MED26: variants seen among roughly 807,000 people sequenced by gnomAD.
The protein encoded by MED26 is mediator complex subunit 26.
Under a neutral mutation model 43.7 loss-of-function variants are expected in MED26, and 7 were observed. The observed-to-expected ratio is 0.16, with a 90% confidence interval of 0.09 to 0.30. MED26 has a LOEUF of 0.30. Ranked by LOEUF, MED26 falls within the 10% of genes least tolerant of loss-of-function variation. MED26 has a pLI of 1.00. For missense variants in MED26, 784 were observed against 840.6 expected (o/e 0.93, Z 0.83); for synonymous variants, 375 against 371.1 (o/e 1.01, Z -0.12).
At chr19:16,609,840 A>G (rs1324310035) in intron 1 of MED26, among the ~76,000 whole-genome samples, 1 of 151,892 alleles carries the variant, frequency 6.6e-6, no homozygotes, top group Non-Finnish European at 1.5e-5. Flanking sequence ...TGTGCAAACA[A>G]AATTTCTCCA....
chr19:16,597,287 C>T, intron 1 of MED26: 1 of 396,872 alleles, frequency 2.5e-6, no homozygotes, highest in East Asian at 3.6e-5. Flanking sequence ...AGTTAAGTTT[C>T]CCCCACTTCA....
chr19:16,622,296 T>C (rs975475546), intron 1 of MED26, among the ~76,000 whole-genome samples: 14 of 152,142 alleles, frequency 9.2e-5, no homozygotes, highest in African/African-American at 3.1e-4. Context: ...TTCATGACCA[T>C]GCTCTATCTG....
chr19:16,575,318 TTAAAA>T lies in MED26; in HGVS notation c.*704_*708del, dbSNP rs1300819689. The T allele has an allele frequency of 6.5e-6, 1 of 152,678 alleles. No homozygotes were observed. Among genetic ancestry groups the T allele is most frequent in the African/African-American group, 2.4e-5 (1 of 41,448 alleles). 9.5% of individuals were successfully genotyped at this position (152,678 alleles called of 1,614,324 possible). ...GGTGGTCTGATGGAAGAGGAATTGT[TTAAAA>T]TAAACATGAGAAAACTTAAATTTTT... On this transcript the variant is annotated 3_prime_UTR_variant, in exon 3 of 3. Coordinates refer to ENST00000263390, the MANE Select transcript of MED26 (RefSeq NM_004831.5).
intron 1 of MED26, among the ~76,000 whole-genome samples, chr19:16,602,652 C>G (rs2086155186): frequency 6.6e-6 from 1 of 152,158 alleles, no homozygotes; most frequent in African/African-American, 2.4e-5. Context: ...AACAACAGGA[C>G]AGTATTTCAG....
At chr19:16,583,214 C>G (rs568753497) in intron 1 of MED26, among the ~76,000 whole-genome samples, 14 of 152,258 alleles carry the variant, frequency 9.2e-5, no homozygotes, top group Admixed American at 4.6e-4. Context: ...CTGAGGCCCC[C>G]TCCTCCTTTG....
At position 16,628,179 on chromosome 19, in the gene MED26, C is replaced by T. The variant is rs1275343453; in HGVS notation, c.-236G>A. 8.5e-6 allele frequency: 3 copies of T among 353,756 alleles called. No individual in the cohort carries two copies. Among genetic ancestry groups the T allele is most frequent in the Admixed American group, 4.8e-5 (1 of 20,872 alleles). 21.9% of individuals were successfully genotyped at this position (353,756 alleles called of 1,614,324 possible). ...CGCCGGAGCCGCCGCCGCTCGCTGCCGCCGCCTCGAGAACCAAACTCCAGT... is the reference window on the plus strand; with the variant it reads ...CGCCGGAGCCGCCGCCGCTCGCTGCTGCCGCCTCGAGAACCAAACTCCAGT... On this transcript the variant is annotated 5_prime_UTR_variant, in exon 1 of 3. Transcript: ENST00000263390.
intron 1 of MED26, among the ~76,000 whole-genome samples, chr19:16,599,891 CA>C (rs2086140480): frequency 6.6e-6 from 1 of 152,216 alleles, no homozygotes; most frequent in Non-Finnish European, 1.5e-5. Flanking sequence ...ATGTGCAAAG[CA>C]TCTGCCCTGG....
intron 1 of MED26, among the ~76,000 whole-genome samples, chr19:16,594,179 G>A (rs1197591203): frequency 6.6e-6 from 1 of 152,264 alleles, no homozygotes; most frequent in African/African-American, 2.4e-5. Flanking sequence ...GTGGAAGCTT[G>A]CTGGTAGAAG....
rs760774365 is a variant in MED26, at chr19:16,577,248, G to C, written c.582C>G (p.Ser194Arg). ...GISGSPESFA[S>R]SLDGSGHAGP... ...CTGCATGCCCACTGCCATCCAGGGA[G>C]CTGGCGAAGCTCTCTGGACTCCCAC... Residue 194 changes from serine (S) to arginine (R), a missense_variant, in exon 3 of 3, where the codon AGC becomes AGG. Around this residue, in one of 3 missense-constraint regions of MED26, gnomAD observed 719 missense variants for 730.9 expected, o/e 0.98. Transcript: ENST00000263390. This position sits in a 1 kb window ranked among gnomAD's most constrained non-coding sequence, Gnocchi z 8.1. 7 of 1,613,186 alleles carry C rather than the reference G, an allele frequency of 4.3e-6. No individual in the cohort carries two copies. In the Admixed American group the frequency reaches 6.7e-5, roughly 15 times the overall value.
intron 1 of MED26, among the ~76,000 whole-genome samples, chr19:16,626,534 T>C (rs1262923029): frequency 6.6e-6 from 1 of 152,198 alleles, no homozygotes. Flanking sequence ...GAAGTACTTA[T>C]ATCACAGCAA....
chr19:16,582,947 A>G lies in MED26; in HGVS notation c.73-4538T>C, dbSNP rs376650112. Among the ~76,000 whole-genome samples the G allele has an allele frequency of 5.2e-4, 79 of 152,300 alleles. 1 individual carries two copies. Among genetic ancestry groups the G allele is most frequent in the African/African-American group, 1.8e-3 (74 of 41,556 alleles). On this transcript the variant is annotated intron_variant, in intron 1 of 2. Coordinates refer to ENST00000263390, the MANE Select transcript of MED26 (RefSeq NM_004831.5). ...GTGGCTCCTTCACAACCTGTCTTCT[A>G]TCCCCCTTAGCGACTGCCCCCACAG...
intron 1 of MED26, among the ~76,000 whole-genome samples, chr19:16,616,093 C>T (rs1385948387): frequency 4.6e-5 from 7 of 152,156 alleles, no homozygotes; most frequent in Admixed American, 4.6e-4. Flanking sequence ...CTCAGGAAAA[C>T]GAGGATGCAG....
At chr19:16,624,220 C>A (rs2086263723) in intron 1 of MED26, 1 of 152,146 alleles carries the variant, frequency 6.6e-6, no homozygotes, top group Non-Finnish European at 1.5e-5. Flanking sequence ...CACCAGTTCC[C>A]AATCCCACCC....
intron 1 of MED26, chr19:16,578,614 C>T: frequency 1.7e-6 from 1 of 582,360 alleles, no homozygotes; most frequent in Non-Finnish European, 3.1e-6. Flanking sequence ...GTCTGACCTC[C>T]TCCAGTGTGT....
rs76259294 is a variant in MED26 at position 16,622,553 on chromosome 19, C to T, written c.72+5319G>A. ...GGGAATCCCGATGGCAAATCCACAC[C>T]CTGCTCTAAGAGTGAAAAGCGGCTG... is the stretch of plus-strand genomic sequence containing the variant. On this transcript the variant is annotated intron_variant, in intron 1 of 2. Coordinates refer to ENST00000263390, the MANE Select transcript of MED26 (RefSeq NM_004831.5). Among the ~76,000 whole-genome samples the T allele has an allele frequency of 6.4e-4, 97 of 152,292 alleles. 2 individuals carry two copies. In the East Asian group the frequency reaches 0.017, roughly 26 times the overall value.
At position 16,577,422 on chromosome 19, in the gene MED26, C is replaced by G. The variant is rs1458821313; in HGVS notation, c.408G>C (p.Leu136=). The G allele has an allele frequency of 1.9e-6, 3 of 1,601,132 alleles. No individual in the cohort carries two copies. Among genetic ancestry groups the G allele is most frequent in the Non-Finnish European group, 2.6e-6 (3 of 1,172,510 alleles). ...CCAGCCTGTCCAGCCGCTGCCCGGG[C>G]AGCCTCTGGAGGTCATTGCGGCTCT... ...DLKSRNDLQR[L]PGQRLDRLGS... is the part of the protein sequence containing the mutation. The change falls in exon 3 of 3, where the codon CTG becomes CTC. Residue 136 remains leucine, a synonymous_variant. Coordinates refer to ENST00000263390, the MANE Select transcript of MED26 (RefSeq NM_004831.5). This position sits in a 1 kb window ranked among gnomAD's most constrained non-coding sequence, Gnocchi z 8.1.
intron 1 of MED26, among the ~76,000 whole-genome samples, chr19:16,581,537 A>C (rs367996949): frequency 1.3e-5 from 2 of 152,258 alleles, no homozygotes; most frequent in East Asian, 3.8e-4. Flanking sequence ...TGCAGAGCAG[A>C]ACACTGCCCA....
intron 1 of MED26, among the ~76,000 whole-genome samples, chr19:16,591,353 T>C (rs1367947496): frequency 2.1e-5 from 3 of 143,350 alleles, no homozygotes; most frequent in Admixed American, 7.8e-5. Context: ...ATGCACACAA[T>C]GCACTCCCCA....
chr19:16,576,787 T>G lies in MED26; in HGVS notation c.1043A>C (p.His348Pro), dbSNP rs1001678094. The G allele has an allele frequency of 1.2e-6, 2 of 1,607,968 alleles. No homozygotes were observed. Among genetic ancestry groups the G allele is most frequent in the African/African-American group, 2.7e-5 (2 of 74,862 alleles). The change falls in exon 3 of 3, where the codon CAC becomes CCC. Residue 348 changes from histidine to proline, a missense_variant. Physicochemically the swap from His to Pro is moderately conservative, Grantham distance 77. This residue lies in a region of MED26 where 719 missense variants were observed against 730.9 expected (regional missense o/e 0.98). Coordinates refer to ENST00000263390, the MANE Select transcript of MED26 (RefSeq NM_004831.5). The surrounding 1 kb of genome is among the most constrained non-coding windows in gnomAD (Gnocchi z 6.8). ...GCAGCCCGGCCCCGCCAGCCGCTGG[T>G]GGCTCTCAGGCTGCTCAAGCCAGCA... ...PVCWLEQPES[H>P]QRLAGPGCKA...
Sources: gnomAD v4.1 joint callset for allele counts (sites outside exome capture counted in the v4.1 genomes callset) on GRCh38, gnomAD v4.1.1 for gene constraint, gnomAD v4.1.1 regional missense constraint, Gnocchi (gnomAD v3.1) non-coding constraint, MANE v1.5 for transcripts, NCBI Gene and HGNC (gene_info 2026-07-23, HGNC 2026-07-21) for gene names.